ROBO2: variants seen among roughly 807,000 people sequenced by gnomAD.
ROBO2 encodes the protein roundabout guidance receptor 2.
ROBO2 carries 53 observed loss-of-function variants against 160.8 expected under a neutral mutation model. The observed-to-expected ratio is 0.33, with a 90% CI of 0.26 to 0.41. The LOEUF (loss-of-function observed/expected upper bound fraction) is 0.41, where lower values mean the gene tolerates loss of function less well. Among genes scored for constraint, ROBO2 ranks in the 10% least tolerant of loss-of-function variants. ROBO2 has a pLI of 1.00. For synonymous variants in ROBO2, 664 were observed against 611.7 expected (o/e 1.09, Z -1.26); for missense variants, 1,577 against 1,722.4 (o/e 0.92, Z 1.49).
intron 2 of ROBO2, among the ~76,000 whole-genome samples, chr3:76,865,950 C>T (rs989968219): frequency 2.0e-4 from 30 of 152,058 alleles, no homozygotes; most frequent in African/African-American, 6.3e-4. Flanking sequence ...ACATAAAAAT[C>T]GAGCTACTTA....
chr3:76,256,961 A>G (rs1280353597), intron 2 of ROBO2, among the ~76,000 whole-genome samples: 1 of 151,984 alleles, frequency 6.6e-6, no homozygotes, highest in Non-Finnish European at 1.5e-5. Context: ...ACATAAAACA[A>G]GCAGATATCT....
intron 2 of ROBO2, among the ~76,000 whole-genome samples, chr3:76,001,253 A>G (rs2065879037): frequency 1.3e-5 from 2 of 152,192 alleles, no homozygotes; most frequent in South Asian, 2.1e-4. Context: ...AGATATGATC[A>G]TCTCTTCCCG....
intron 2 of ROBO2, among the ~76,000 whole-genome samples, chr3:76,021,773 G>A (rs1187147737): frequency 1.3e-5 from 2 of 151,752 alleles, no homozygotes; most frequent in African/African-American, 4.8e-5. Context: ...TTTTTCACAG[G>A]TAAAGGGTTT....
At chr3:76,565,738 T>C (rs2084479286) in intron 2 of ROBO2, among the ~76,000 whole-genome samples, 1 of 152,150 alleles carries the variant, frequency 6.6e-6, no homozygotes, top group Non-Finnish European at 1.5e-5. Flanking sequence ...AAGGAGGAAG[T>C]TGTTACTTTC....
chr3:76,424,229 A>T (rs1446959916), intron 2 of ROBO2, among the ~76,000 whole-genome samples: 2 of 152,194 alleles, frequency 1.3e-5, no homozygotes, highest in African/African-American at 2.4e-5. Flanking sequence ...CGTTTAAATT[A>T]TGCAATGAAT....
intron 2 of ROBO2, among the ~76,000 whole-genome samples, chr3:77,103,409 T>TA (rs1332338059): frequency 7.1e-6 from 1 of 141,750 alleles, no homozygotes; most frequent in Non-Finnish European, 1.5e-5. Flanking sequence ...AAACCAATCT[T>TA]TTTTTTTTTT....
intron 2 of ROBO2, among the ~76,000 whole-genome samples, chr3:77,467,804 A>G (rs2082942715): frequency 6.6e-6 from 1 of 151,930 alleles, no homozygotes; most frequent in African/African-American, 2.4e-5. Flanking sequence ...TGACTGTATT[A>G]TATCTTCTAA....
intron 2 of ROBO2, among the ~76,000 whole-genome samples, chr3:76,502,711 C>T (rs2080532083): frequency 1.3e-5 from 2 of 151,976 alleles, no homozygotes. Flanking sequence ...AGTATTTATC[C>T]TTTGAGTTAA....
chr3:77,449,386 GCA>G (rs1296249153), intron 2 of ROBO2, among the ~76,000 whole-genome samples: 5 of 152,086 alleles, frequency 3.3e-5, no homozygotes, highest in Non-Finnish European at 5.9e-5. Flanking sequence ...TGTTAAATAT[GCA>G]GTCAGATTGG....
At chr3:76,347,700 C>G (rs1407148599) in intron 2 of ROBO2, among the ~76,000 whole-genome samples, 2 of 151,728 alleles carry the variant, frequency 1.3e-5, no homozygotes, top group South Asian at 2.1e-4. Context: ...TTCACTCTCC[C>G]CTGATTCTGT....
chr3:77,014,653 C>G (rs559007730), intron 2 of ROBO2, among the ~76,000 whole-genome samples: 3 of 152,196 alleles, frequency 2.0e-5, no homozygotes, highest in African/African-American at 7.2e-5. Context: ...TTAGAAAAGA[C>G]CTGGTTTTGT....
At chr3:76,206,080 C>T (rs1315886246) in intron 2 of ROBO2, among the ~76,000 whole-genome samples, 1 of 152,154 alleles carries the variant, frequency 6.6e-6, no homozygotes, top group Non-Finnish European at 1.5e-5. Flanking sequence ...AAATACTTCT[C>T]TGCTCTCTCT....
chr3:76,026,611 A>G (rs1235757260), intron 2 of ROBO2, among the ~76,000 whole-genome samples: 2 of 151,968 alleles, frequency 1.3e-5, no homozygotes, highest in African/African-American at 2.4e-5. Context: ...GGTATGTACT[A>G]TTGAATGTGT....
chr3:77,405,090 C>T (rs987221893), intron 2 of ROBO2, among the ~76,000 whole-genome samples: 4 of 152,156 alleles, frequency 2.6e-5, no homozygotes, highest in East Asian at 3.9e-4. Flanking sequence ...TTACAAAACA[C>T]TTTTGGATCT....
At chr3:77,604,787 A>T (rs2094494480) in intron 20 of ROBO2, among the ~76,000 whole-genome samples, 1 of 152,174 alleles carries the variant, frequency 6.6e-6, no homozygotes, top group Non-Finnish European at 1.5e-5. Context: ...ATCATATGGT[A>T]TTATAAGATT....
intron 1 of ROBO2, among the ~76,000 whole-genome samples, chr3:77,051,727 T>C (rs1261062433): frequency 6.6e-6 from 1 of 152,212 alleles, no homozygotes; most frequent in African/African-American, 2.4e-5. Flanking sequence ...TGGATCTCTA[T>C]AGGAGGTTAT....
At chr3:77,029,540 G>T (rs951735910) in intron 2 of ROBO2, among the ~76,000 whole-genome samples, 1 of 152,082 alleles carries the variant, frequency 6.6e-6, no homozygotes, top group Non-Finnish European at 1.5e-5. Context: ...GTGTAAATCT[G>T]GTTCTGTGAT....
At chr3:77,374,169 CAAAAAAAAAAAAAAAAAAAAAAA>C (rs60357417) in intron 2 of ROBO2, among the ~76,000 whole-genome samples, 1 of 40,092 alleles carries the variant, frequency 2.5e-5, no homozygotes, top group African/African-American at 1.5e-4. Context: ...GAGACTCCAT[CAAAAAAAAAAAAAAAAAAAAAAA>C]AAAAAAAAAA....
At chr3:76,522,446 C>T (rs1024628526) in intron 2 of ROBO2, among the ~76,000 whole-genome samples, 1 of 152,080 alleles carries the variant, frequency 6.6e-6, no homozygotes, top group Non-Finnish European at 1.5e-5. Flanking sequence ...AGAATCAAGG[C>T]AGTATTTGTA....
Sources: gnomAD v4.1 joint callset for allele counts (sites outside exome capture counted in the v4.1 genomes callset) on GRCh38, gnomAD v4.1.1 for gene constraint, MANE v1.5 for transcripts, NCBI Gene and HGNC (gene_info 2026-07-23, HGNC 2026-07-21) for gene names.